ZNF462: variants seen among roughly 807,000 people sequenced by gnomAD.
ZNF462 encodes zinc finger protein 462.
In ZNF462, 10 loss-of-function variants were observed where a neutral mutation model predicts 201.9. That is an observed-to-expected ratio of 0.05 (90% CI 0.03 to 0.08). ZNF462 has a LOEUF of 0.08. Among genes scored for constraint, ZNF462 ranks in the 10% least tolerant of loss-of-function variants. ZNF462 has a pLI of 1.00. For synonymous variants in ZNF462, 1,227 were observed against 1,193.3 expected (o/e 1.03, Z -0.58); for missense variants, 2,523 against 3,168.3 (o/e 0.80, Z 4.89).
chr9:106,971,496 A>G (rs1826611552), intron 7 of ZNF462, among the ~76,000 whole-genome samples: 1 of 151,898 alleles, frequency 6.6e-6, no homozygotes, highest in African/African-American at 2.4e-5. Flanking sequence ...AAAAGAGGTG[A>G]TAGTTCCTCC....
Position 106,895,945 on chromosome 9 carries a change from C to T in ZNF462, c.-30-27409C>T, listed in dbSNP as rs1428880510. 1.3e-5 allele frequency among the ~76,000 whole-genome samples: 2 copies of T among 151,954 alleles called. No individual in the cohort carries two copies. Among genetic ancestry groups the T allele is most frequent in the Admixed American group, 1.3e-4 (2 of 15,268 alleles). The stretch of plus-strand genomic sequence containing the variant: ...TTTTATTTACTTATGAGAAGAAATG[C>T]AATGCAAAAAAAACAAGAACATTCA... On this transcript the variant is annotated intron_variant, in intron 1 of 12. Coordinates refer to ENST00000277225, the MANE Select transcript of ZNF462 (RefSeq NM_021224.6). The surrounding 1 kb of genome is among the most constrained non-coding windows in gnomAD (Gnocchi z 4.4).
At position 106,893,668 on chromosome 9, in the gene ZNF462, G is replaced by A. The variant is rs117544091; in HGVS notation, c.-30-29686G>A. Among the ~76,000 whole-genome samples, 1,205 of 152,312 alleles carry A rather than the reference G, an allele frequency of 7.9e-3. 8 individuals are homozygous for A. Among genetic ancestry groups the A allele is most frequent in the Middle Eastern group, 0.014 (4 of 294 alleles). On this transcript the variant is annotated intron_variant, in intron 1 of 12. Coordinates refer to ENST00000277225, the MANE Select transcript of ZNF462 (RefSeq NM_021224.6). ...AAGGGGTAATGCTAACAGTACTCAG[G>A]AGACGGCAGGAACTATATTTTCTAA...
At position 106,993,620 on chromosome 9, in the gene ZNF462, T is replaced by C. The variant is rs1046563904; in HGVS notation, c.7056+9211T>C. Among the ~76,000 whole-genome samples the C allele has an allele frequency of 7.4e-5, 11 of 148,012 alleles. No homozygotes were observed. Among genetic ancestry groups the C allele is most frequent in the African/African-American group, 2.5e-4 (10 of 40,454 alleles). On this transcript the variant is annotated intron_variant, in intron 10 of 12. Transcript: ENST00000277225. This position sits in a 1 kb window ranked among gnomAD's most constrained non-coding sequence, Gnocchi z 4.0. ...GTCTCTCCCTCCTCTCCCCCTCCCC[T>C]TTACTTCCCTCTCCCTTCCTTCACT...
At chr9:106,964,404 T>G (rs1416795310) in intron 7 of ZNF462, among the ~76,000 whole-genome samples, 1 of 152,084 alleles carries the variant, frequency 6.6e-6, no homozygotes, top group African/African-American at 2.4e-5. Context: ...TTAATTTCAT[T>G]TAAAATGTAA....
chr9:106,894,951 A>G (rs1828748509), intron 1 of ZNF462, among the ~76,000 whole-genome samples: 2 of 152,186 alleles, frequency 1.3e-5, no homozygotes, highest in South Asian at 4.1e-4. Flanking sequence ...TAGCTGCTAG[A>G]AAATTTAAAA....
intron 6 of ZNF462, among the ~76,000 whole-genome samples, chr9:106,936,150 T>G (rs1159761394): frequency 6.6e-6 from 1 of 152,216 alleles, no homozygotes; most frequent in East Asian, 1.9e-4. Flanking sequence ...TGTTGTTCCA[T>G]CTCATTACTC....
intron 1 of ZNF462, among the ~76,000 whole-genome samples, chr9:106,879,334 C>CCG (rs1554693602): frequency 2.5e-5 from 2 of 79,656 alleles, no homozygotes; most frequent in East Asian, 8.0e-4. Flanking sequence ...TGCTTTCCAC[C>CCG]CCCCCCCCCA....
chr9:106,892,704 GCACACACACA>G (rs10568431), intron 1 of ZNF462, among the ~76,000 whole-genome samples: 2 of 131,844 alleles, frequency 1.5e-5, no homozygotes, highest in South Asian at 2.4e-4. Context: ...ACACACACAC[GCACACACACA>G]CACACACACA....
chr9:106,944,491 T>G (rs908273762), intron 7 of ZNF462, among the ~76,000 whole-genome samples: 1 of 152,218 alleles, frequency 6.6e-6, no homozygotes, highest in Non-Finnish European at 1.5e-5. Flanking sequence ...GATAATTTGA[T>G]ACATGCATAT....
upstream of ZNF462, among the ~76,000 whole-genome samples, chr9:106,862,588 TCCA>T (rs1827104522): frequency 6.7e-6 from 1 of 149,114 alleles, no homozygotes; most frequent in African/African-American, 2.4e-5. The surrounding 1 kb of genome is among the most constrained non-coding windows in gnomAD (Gnocchi z 4.2). Context: ...CTCCCCCTCC[TCCA>T]CCACCACCTC....
At chr9:106,931,587 CT>C (rs1830429183) in intron 4 of ZNF462, among the ~76,000 whole-genome samples, 1 of 152,226 alleles carries the variant, frequency 6.6e-6, no homozygotes, top group Non-Finnish European at 1.5e-5. Flanking sequence ...TCAGCAGTCA[CT>C]TTCTTTCAGA....
rs563176839 is a variant in ZNF462 at position 106,962,046 on chromosome 9, A to G, written c.6428-9959A>G. ...AAAGATGAAGGAGAGTGTGAGCCCC[A>G]TGGTTCAGAGTTTGGGCTTTTTTCT... On this transcript the variant is annotated intron_variant, in intron 7 of 12. Coordinates refer to ENST00000277225, the MANE Select transcript of ZNF462 (RefSeq NM_021224.6). The surrounding 1 kb of genome is among the most constrained non-coding windows in gnomAD (Gnocchi z 4.6). Among the ~76,000 whole-genome samples the G allele has an allele frequency of 4.6e-5, 7 of 152,156 alleles. No homozygotes were observed. In the South Asian group the frequency reaches 1.2e-3, roughly 27 times the overall value.
chr9:106,895,527 C>T lies in ZNF462; in HGVS notation c.-30-27827C>T, dbSNP rs1021097705. On this transcript the variant is annotated intron_variant, in intron 1 of 12. Transcript: ENST00000277225. The surrounding 1 kb of genome is among the most constrained non-coding windows in gnomAD (Gnocchi z 4.4). ...AATAATCTTGATAGGGCACAGCTTT[C>T]GTTATATCACATTGCCCTGATTAAG... is the stretch of plus-strand genomic sequence containing the variant. Among the ~76,000 whole-genome samples the T allele has an allele frequency of 6.6e-6, 1 of 152,130 alleles. No individual in the cohort carries two copies. Among genetic ancestry groups the T allele is most frequent in the African/African-American group, 2.4e-5 (1 of 41,414 alleles).
At chr9:106,999,895 A>T (rs538034591) in intron 10 of ZNF462, among the ~76,000 whole-genome samples, 1 of 152,238 alleles carries the variant, frequency 6.6e-6, no homozygotes. Context: ...AGCTGTAAGT[A>T]AGACTCACAG....
At chr9:106,969,859 C>T (rs964711751) in intron 7 of ZNF462, among the ~76,000 whole-genome samples, 1 of 152,126 alleles carries the variant, frequency 6.6e-6, no homozygotes, top group African/African-American at 2.4e-5. Context: ...CAAACTAGGA[C>T]CAACATTACC....
chr9:106,939,105 A>C lies in ZNF462; in HGVS notation c.6425A>C (p.Asn2142Thr), dbSNP rs772954701. 1.9e-6 allele frequency: 3 copies of C among 1,586,010 alleles called. No individual in the cohort carries two copies. Among genetic ancestry groups the C allele is most frequent in the Non-Finnish European group, 2.6e-6 (3 of 1,165,994 alleles). Residue 2142 changes from asparagine (N) to threonine (T), a missense_variant and splice_region_variant, in exon 7 of 13, where the codon AAT becomes ACT. Asn to Thr is a moderately conservative substitution (Grantham distance 65). Coordinates refer to ENST00000277225, the MANE Select transcript of ZNF462 (RefSeq NM_021224.6). Reference protein sequence around the residue: ...ATPAEEVEDSNDSSYSEPPDV... With the variant: ...ATPAEEVEDSTDSSYSEPPDV... ...CCGGCTGAAGAAGTGGAAGACTCCA[A>C]TGGTAAAAATGGGCTTCCAAGCTGG...
intron 4 of ZNF462, among the ~76,000 whole-genome samples, chr9:106,931,831 G>C (rs1312301866): frequency 6.6e-6 from 1 of 152,200 alleles, no homozygotes; most frequent in Non-Finnish European, 1.5e-5. Context: ...TTCCTTTCCA[G>C]ATAATGGCCC....
intron 7 of ZNF462, among the ~76,000 whole-genome samples, chr9:106,964,008 C>CGTGTGTGTGT (rs111450825): frequency 7.5e-4 from 110 of 146,748 alleles, no homozygotes; most frequent in African/African-American, 1.9e-3. Flanking sequence ...AAATAATATT[C>CGTGTGTGTGT]GTGTGTGTGT....
At chr9:106,914,956 G>C (rs1360254316) in intron 1 of ZNF462, among the ~76,000 whole-genome samples, 1 of 152,066 alleles carries the variant, frequency 6.6e-6, no homozygotes, top group East Asian at 1.9e-4. Flanking sequence ...GTAAGGGAAT[G>C]AATTTAATCA....
Sources: gnomAD v4.1 joint callset for allele counts (sites outside exome capture counted in the v4.1 genomes callset) on GRCh38, gnomAD v4.1.1 for gene constraint, Gnocchi (gnomAD v3.1) non-coding constraint, MANE v1.5 for transcripts, NCBI Gene and HGNC (gene_info 2026-07-23, HGNC 2026-07-21) for gene names.